GALNTL6: variants seen among roughly 807,000 people sequenced by gnomAD.
GALNTL6 encodes the protein polypeptide N-acetylgalactosaminyltransferase like 6, also known as polypeptide N-acetylgalactosaminyltransferase-like 6.
A neutral mutation model predicts 73.7 loss-of-function variants in GALNTL6; 46 were observed. That is an observed-to-expected ratio of 0.62 (90% confidence interval 0.49 to 0.80). The LOEUF is 0.80. GALNTL6 is among the 30% of genes least tolerant of loss of function. The pLI is 0.00. For missense variants in GALNTL6, 604 were observed against 755.0 expected (o/e 0.80, Z 2.34); for synonymous variants, 259 against 263.7 (o/e 0.98, Z 0.17).
intron 2 of GALNTL6, among the ~76,000 whole-genome samples, chr4:172,123,652 C>T (rs1383416310): frequency 3.9e-5 from 6 of 151,900 alleles, no homozygotes; most frequent in Non-Finnish European, 8.8e-5. Flanking sequence ...CAGACGTGTG[C>T]CACCATGCCC....
At chr4:171,966,729 C>T (rs1328907704) in intron 2 of GALNTL6, among the ~76,000 whole-genome samples, 4 of 152,260 alleles carry the variant, frequency 2.6e-5, no homozygotes, top group African/African-American at 9.6e-5. Flanking sequence ...TTAAAACAAA[C>T]AGAGCTGAAC....
intron 7 of GALNTL6, among the ~76,000 whole-genome samples, chr4:172,869,028 T>C (rs1290204106): frequency 1.3e-5 from 2 of 152,186 alleles, no homozygotes; most frequent in South Asian, 2.1e-4. Flanking sequence ...TGCATTCCAC[T>C]AATTGTGCAG....
chr4:172,367,392 T>C (rs533701183), intron 5 of GALNTL6, among the ~76,000 whole-genome samples: 2 of 152,316 alleles, frequency 1.3e-5, no homozygotes, highest in South Asian at 4.1e-4. Context: ...GTTTCAGAAG[T>C]TGCATGGCTC....
intron 5 of GALNTL6, among the ~76,000 whole-genome samples, chr4:172,703,218 C>A (rs1450278809): frequency 6.6e-6 from 1 of 151,974 alleles, no homozygotes; most frequent in African/African-American, 2.4e-5. Context: ...CTGACTACAA[C>A]TTTCAATACT....
At chr4:172,699,106 G>C (rs1733865119) in intron 5 of GALNTL6, among the ~76,000 whole-genome samples, 1 of 152,036 alleles carries the variant, frequency 6.6e-6, no homozygotes, top group Admixed American at 6.6e-5. Flanking sequence ...ATGGTGGAAG[G>C]GGCAAGAAAG....
At chr4:172,726,493 A>G (rs1735816193) in intron 5 of GALNTL6, among the ~76,000 whole-genome samples, 1 of 152,210 alleles carries the variant, frequency 6.6e-6, no homozygotes, top group South Asian at 2.1e-4. Flanking sequence ...ATCTGAAGCT[A>G]TGCAAACTCT....
At chr4:173,012,045 A>G (rs1176101356) in intron 11 of GALNTL6, among the ~76,000 whole-genome samples, 1 of 152,232 alleles carries the variant, frequency 6.6e-6, no homozygotes, top group Admixed American at 6.5e-5. Flanking sequence ...CTCAGACCAC[A>G]GGTGCATACC....
At chr4:172,244,590 C>A (rs912721531) in intron 3 of GALNTL6, among the ~76,000 whole-genome samples, 15 of 152,070 alleles carry the variant, frequency 9.9e-5, no homozygotes, top group African/African-American at 3.4e-4. Context: ...GTTAATTAAA[C>A]TTCCTGGGCT....
At chr4:172,750,647 A>AAT (rs1443529836) in intron 5 of GALNTL6, among the ~76,000 whole-genome samples, 1 of 152,214 alleles carries the variant, frequency 6.6e-6, no homozygotes, top group Non-Finnish European at 1.5e-5. Context: ...TCCCATTTAT[A>AAT]ATATAATACT....
rs1355149243 is a variant in GALNTL6, at chr4:172,207,063, C to T, written c.139-22593C>T. Among the ~76,000 whole-genome samples, 8 of 151,566 alleles carry T rather than the reference C, an allele frequency of 5.3e-5. No homozygotes were observed. The South Asian group carries it at 1.7e-3, about 32-fold the overall frequency. On this transcript the variant is annotated intron_variant, in intron 2 of 12. Transcript: ENST00000506823. ...CAATCTCCTGACCTCGTGATCCGCC[C>T]CCCTTGGCCTCCCAAAGTGCTGGGA...
intron 2 of GALNTL6, among the ~76,000 whole-genome samples, chr4:171,969,945 A>G (rs1189217272): frequency 6.6e-6 from 1 of 151,882 alleles, no homozygotes; most frequent in Non-Finnish European, 1.5e-5. Context: ...ATTTTTTTGT[A>G]TTTTTAGTAG....
chr4:172,235,247 G>A (rs1737202116), intron 3 of GALNTL6, among the ~76,000 whole-genome samples: 1 of 151,342 alleles, frequency 6.6e-6, no homozygotes, highest in Non-Finnish European at 1.5e-5. Flanking sequence ...TCACTCTGTT[G>A]CCCAGGCTGG....
chr4:172,660,842 C>T (rs1009601341), intron 5 of GALNTL6, among the ~76,000 whole-genome samples: 6 of 152,178 alleles, frequency 3.9e-5, no homozygotes, highest in Non-Finnish European at 7.3e-5. Flanking sequence ...AAGTTACCCT[C>T]TTCCCTCTGA....
intron 12 of GALNTL6, among the ~76,000 whole-genome samples, chr4:173,033,406 A>G (rs1203736902): frequency 6.7e-6 from 1 of 149,690 alleles, no homozygotes; most frequent in Non-Finnish European, 1.5e-5. Flanking sequence ...AAAAAAATGG[A>G]AAAGGGTAGA....
At chr4:172,145,730 A>C (rs1031058474) in intron 2 of GALNTL6, among the ~76,000 whole-genome samples, 1 of 152,200 alleles carries the variant, frequency 6.6e-6, no homozygotes, top group Non-Finnish European at 1.5e-5. Context: ...GCTACAGGTA[A>C]TCATACTATA....
At chr4:173,033,253 T>G (rs1355340890) in intron 12 of GALNTL6, among the ~76,000 whole-genome samples, 1 of 152,088 alleles carries the variant, frequency 6.6e-6, no homozygotes, top group Non-Finnish European at 1.5e-5. Context: ...TCCACCCGCC[T>G]CGGCCTCCCA....
intron 9 of GALNTL6, among the ~76,000 whole-genome samples, chr4:172,945,648 G>A (rs535376132): frequency 6.6e-6 from 1 of 152,272 alleles, no homozygotes; most frequent in Non-Finnish European, 1.5e-5. Context: ...GCTAACCCTT[G>A]TTCATGACAG....
At chr4:172,802,305 C>A (rs543809761) in intron 5 of GALNTL6, among the ~76,000 whole-genome samples, 27 of 152,240 alleles carry the variant, frequency 1.8e-4, no homozygotes, top group African/African-American at 6.0e-4. Context: ...TGGAATGTAA[C>A]AAAAGCCCAC....
At chr4:171,995,463 CA>C (rs1214085128) in intron 2 of GALNTL6, among the ~76,000 whole-genome samples, 1 of 151,622 alleles carries the variant, frequency 6.6e-6, no homozygotes, top group African/African-American at 2.4e-5. Flanking sequence ...ATTTGCCACA[CA>C]AAAAAATTAA....
Sources: gnomAD v4.1 joint callset for allele counts (sites outside exome capture counted in the v4.1 genomes callset) on GRCh38, gnomAD v4.1.1 for gene constraint, MANE v1.5 for transcripts, NCBI Gene and HGNC (gene_info 2026-07-23, HGNC 2026-07-21) for gene names.